The following EI24 variants were observed in gnomAD, a reference collection of about 807,000 sequenced individuals.
The protein encoded by EI24 is etoposide-induced protein 2.4 homolog.
In EI24, 21 loss-of-function variants were observed where a neutral mutation model predicts 48.6. The ratio of observed to expected loss-of-function variants is 0.43; its 90% CI spans 0.31 to 0.62. EI24 has a LOEUF of 0.62. Among genes scored for constraint, EI24 ranks in the 20% least tolerant of loss-of-function variants. EI24 has a pLI of 0.10. For synonymous variants in EI24, 114 were observed against 145.5 expected, an observed-to-expected ratio of 0.78 and a Z score of 1.56; for missense variants, 280 against 410.5, an observed-to-expected ratio of 0.68 and a Z score of 2.75.
chr11:125,581,955 T>G (rs1225365835), intron 9 of EI24, among the ~76,000 whole-genome samples: 1 of 151,850 alleles, frequency 6.6e-6, no homozygotes, highest in Non-Finnish European at 1.5e-5. Flanking sequence ...TCCAGCACTT[T>G]GGGAGGCTGA....
rs1455373870 is a variant in EI24 at position 125,578,224 on chromosome 11, G to A, written c.408G>A (p.Val136=). ...CTCTTTGGGTGCTCCCCTTGTTTGTGCTTAGCAAAGTGGTGAATGCCATTT... is the reference window on the plus strand; with the variant it reads ...CTCTTTGGGTGCTCCCCTTGTTTGTACTTAGCAAAGTGGTGAATGCCATTT... ...FSALWVLPLF[V]LSKVVNAIWF... Residue 136 remains valine, a synonymous_variant, in exon 6 of 11, where the codon GTG becomes GTA. Coordinates refer to ENST00000278903, the MANE Select transcript of EI24 (RefSeq NM_004879.5). 2 of 1,613,968 alleles carry A rather than the reference G, an allele frequency of 1.2e-6. No individual in the cohort carries two copies. Among genetic ancestry groups the A allele is most frequent in the Admixed American group, 3.3e-5 (2 of 60,016 alleles).
chr11:125,575,198 G>T, intron 2 of EI24, 65 bp from the exon 3 acceptor site: 2 of 1,424,810 alleles, frequency 1.4e-6, no homozygotes, highest in Non-Finnish European at 1.9e-6. Context: ...CTGCACTGTA[G>T]CTTGGGTGAC....
intron 3 of EI24, 111 bp downstream of exon 3, chr11:125,575,519 T>A: frequency 8.0e-7 from 1 of 1,245,262 alleles, no homozygotes; most frequent in Non-Finnish European, 1.1e-6. Context: ...CAGAAAAATG[T>A]TGCAAGTGAT....
intron 2 of EI24, 38 bp downstream of exon 2, chr11:125,572,607 CTTTT>C: frequency 1.2e-5 from 16 of 1,386,110 alleles, no homozygotes; most frequent in Admixed American, 2.0e-5. Flanking sequence ...ATCTCTCGGC[CTTTT>C]TTTTTTTTGC....
At position 125,577,491 on chromosome 11, in the gene EI24, T is replaced by G; in HGVS notation, c.250-13T>G. 1 of 1,609,134 alleles carries G rather than the reference T, an allele frequency of 6.2e-7. No individual in the cohort carries two copies. Among genetic ancestry groups the G allele is most frequent in the Non-Finnish European group, 8.5e-7 (1 of 1,178,342 alleles). On this transcript the variant is annotated splice_polypyrimidine_tract_variant and intron_variant, in intron 4 of 10. Transcript: ENST00000278903. ...TGGATTTTGATGTTTGCCTTGTTGC[T>G]TCTTTTCTTTAGTTCAGTCTCCTCT...
intron 9 of EI24, among the ~76,000 whole-genome samples, chr11:125,581,893 C>G (rs897969780): frequency 6.6e-6 from 1 of 152,078 alleles, no homozygotes; most frequent in East Asian, 1.9e-4. Context: ...ATCTTCTGTT[C>G]TTTTTGAAAG....
In EI24 at chr11:125,584,013, T is replaced by C. The variant is rs1294552418; in HGVS notation, c.*330T>C. 1.8e-5 allele frequency: 5 copies of C among 270,648 alleles called. No individual in the cohort carries two copies. The allele number at this position is 270,648 out of a possible 1,614,324, so 16.8% of individuals were successfully genotyped here. ...CCTGTGCCATTTACCCTTCCACCTT[T>C]CCATCCTGCCTTCTACCACCCTTGG... On this transcript the variant is annotated 3_prime_UTR_variant, in exon 11 of 11. Coordinates refer to ENST00000278903, the MANE Select transcript of EI24 (RefSeq NM_004879.5).
At position 125,578,226 on chromosome 11, in the gene EI24, T is replaced by G; in HGVS notation, c.410T>G (p.Leu137Arg). The G allele has an allele frequency of 6.2e-7, 1 of 1,614,000 alleles. No homozygotes were observed. Among genetic ancestry groups the G allele is most frequent in the East Asian group, 2.2e-5 (1 of 44,874 alleles). ...SALWVLPLFVLSKVVNAIWFQ... is the reference protein window; with the variant it reads ...SALWVLPLFVRSKVVNAIWFQ... ...CTTTGGGTGCTCCCCTTGTTTGTGCTTAGCAAAGTGGTGAATGCCATTTGG... is the reference window on the plus strand; with the variant it reads ...CTTTGGGTGCTCCCCTTGTTTGTGCGTAGCAAAGTGGTGAATGCCATTTGG... Residue 137 changes from leucine (L) to arginine (R), a missense_variant, in exon 6 of 11, where the codon CTT becomes CGT. This residue lies in a region of EI24 where 204 missense variants were observed against 294.1 expected (regional missense o/e 0.69). Coordinates refer to ENST00000278903, the MANE Select transcript of EI24 (RefSeq NM_004879.5).
intron 2 of EI24, chr11:125,574,890 GCTT>G (rs1938676481): frequency 2.0e-5 from 3 of 152,824 alleles, no homozygotes; most frequent in South Asian, 2.1e-4. Flanking sequence ...TAAGTTATAA[GCTT>G]CTTGAGCATT....
intron 2 of EI24, 54 bp downstream of exon 2, chr11:125,572,623 G>A: frequency 2.0e-6 from 3 of 1,495,034 alleles, no homozygotes; most frequent in South Asian, 2.3e-5. Flanking sequence ...TTTTTTTGCT[G>A]AAGGAACCAT....
intron 1 of EI24, chr11:125,570,552 C>A (rs1938498064): frequency 6.6e-6 from 1 of 152,238 alleles, no homozygotes; most frequent in Non-Finnish European, 1.5e-5. Flanking sequence ...CAGGTGTTAG[C>A]TGGCCAGGGA....
chr11:125,578,874 G>A, intron 6 of EI24, 75 bp from the exon 7 acceptor site: 1 of 1,491,272 alleles, frequency 6.7e-7, no homozygotes, highest in Non-Finnish European at 9.0e-7. Context: ...TCTAGTGGCG[G>A]ACTAGTGGCC....
intron 2 of EI24, chr11:125,573,538 G>A: frequency 2.6e-6 from 1 of 379,770 alleles, no homozygotes; most frequent in East Asian, 8.0e-5. Context: ...GAGTCTGGGA[G>A]TATGAAGCAG....
intron 4 of EI24, 41 bp downstream of exon 4, chr11:125,576,356 G>A (rs1400283554): frequency 6.3e-7 from 1 of 1,580,266 alleles, no homozygotes; most frequent in Non-Finnish European, 8.7e-7. Context: ...AGCATCTTCA[G>A]ATTGTTGCTG....
Position 125,572,458 on chromosome 11 carries a change from A to C in EI24, c.-70A>C. 1 of 1,437,018 alleles carries C rather than the reference A, an allele frequency of 7.0e-7. No homozygotes were observed. Among genetic ancestry groups the C allele is most frequent in the African/African-American group, 1.4e-5 (1 of 71,232 alleles). The allele number at this position is 1,437,018 out of a possible 1,614,324, so 89.0% of individuals were successfully genotyped here. ...TCCATTATGTTCCATCTGTTTCCAGATCCTTCATGATGAGAGATTTGGGGA... is the reference window on the plus strand; with the variant it reads ...TCCATTATGTTCCATCTGTTTCCAGCTCCTTCATGATGAGAGATTTGGGGA... On this transcript the variant is annotated splice_region_variant and 5_prime_UTR_variant, in exon 2 of 11. Coordinates refer to ENST00000278903, the MANE Select transcript of EI24 (RefSeq NM_004879.5).
chr11:125,577,255 C>A (rs939289031), intron 4 of EI24, among the ~76,000 whole-genome samples: 3 of 152,094 alleles, frequency 2.0e-5, no homozygotes, highest in African/African-American at 4.8e-5. Flanking sequence ...CCACACCCGA[C>A]CAATTGTTGT....
intron 1 of EI24, among the ~76,000 whole-genome samples, chr11:125,571,190 A>G (rs1389620250): frequency 6.6e-6 from 1 of 152,204 alleles, no homozygotes; most frequent in African/African-American, 2.4e-5. Context: ...ATATTTTGAA[A>G]TTTAAGGTTT....
At chr11:125,575,844 C>G in intron 3 of EI24, 1 of 379,726 alleles carries the variant, frequency 2.6e-6, no homozygotes, top group South Asian at 1.9e-5. Flanking sequence ...CTGAGATTGC[C>G]GTGGTGCAAT....
At chr11:125,583,496 A>T in intron 10 of EI24, 25 bp from the exon 11 acceptor site, 1 of 1,535,286 alleles carries the variant, frequency 6.5e-7, no homozygotes, top group Non-Finnish European at 8.8e-7. Context: ...TGGGGAGCTA[A>T]CAAGTTGGGT....
Sources: gnomAD v4.1 joint callset for allele counts (sites outside exome capture counted in the v4.1 genomes callset) on GRCh38, gnomAD v4.1.1 for gene constraint, gnomAD v4.1.1 regional missense constraint, MANE v1.5 for transcripts, NCBI Gene and HGNC (gene_info 2026-07-23, HGNC 2026-07-21) for gene names.